HS6ST3: variants seen among roughly 807,000 people sequenced by gnomAD.
The protein encoded by HS6ST3 is heparan-sulfate 6-O-sulfotransferase 3.
Under a neutral mutation model 36.7 loss-of-function variants are expected in HS6ST3, and 12 were observed. The observed-to-expected ratio is 0.33, with a 90% CI of 0.21 to 0.53. HS6ST3 has a LOEUF of 0.53. Among genes scored for constraint, HS6ST3 ranks in the 20% least tolerant of loss-of-function variants. HS6ST3 has a pLI of 0.95. For synonymous variants in HS6ST3, 240 were observed against 257.5 expected (o/e 0.93, Z 0.65); for missense variants, 584 against 640.9 (o/e 0.91, Z 0.96).
At chr13:96,355,106 A>G (rs1256432746) in intron 1 of HS6ST3, among the ~76,000 whole-genome samples, 2 of 152,170 alleles carry the variant, frequency 1.3e-5, no homozygotes, top group African/African-American at 2.4e-5. Flanking sequence ...AAGGATAACT[A>G]TAGTGATGGA....
intron 1 of HS6ST3, among the ~76,000 whole-genome samples, chr13:96,221,005 A>G (rs927046745): frequency 1.3e-5 from 2 of 152,206 alleles, no homozygotes; most frequent in East Asian, 1.9e-4. Flanking sequence ...CTTAAATATT[A>G]TTATACATTT....
chr13:96,500,579 G>A (rs2138912656), intron 1 of HS6ST3, among the ~76,000 whole-genome samples: 1 of 152,224 alleles, frequency 6.6e-6, no homozygotes, highest in South Asian at 2.1e-4. Context: ...GGTGACTGCA[G>A]GATAAACTGC....
chr13:96,254,504 T>C (rs1296542211), intron 1 of HS6ST3, among the ~76,000 whole-genome samples: 844 of 21,368 alleles, frequency 0.039, 57 homozygotes, highest in African/African-American at 0.12. Flanking sequence ...TATATACACA[T>C]ACATACACAC....
intron 1 of HS6ST3, among the ~76,000 whole-genome samples, chr13:96,319,034 G>A (rs1209094824): frequency 6.6e-6 from 1 of 152,070 alleles, no homozygotes; most frequent in Non-Finnish European, 1.5e-5. Context: ...ACAGAGTTGT[G>A]CAACCATCAC....
chr13:96,380,444 T>C (rs746422222), intron 1 of HS6ST3, among the ~76,000 whole-genome samples: 31 of 152,096 alleles, frequency 2.0e-4, no homozygotes, highest in Middle Eastern at 3.4e-3. Context: ...TTTTGTACTT[T>C]TAGTAGAGAT....
intron 1 of HS6ST3, among the ~76,000 whole-genome samples, chr13:96,740,087 T>G (rs114904863): frequency 6.6e-6 from 1 of 152,224 alleles, no homozygotes; most frequent in African/African-American, 2.4e-5. Flanking sequence ...CTCTGTTTGA[T>G]TTTTTCTCCA....
intron 1 of HS6ST3, among the ~76,000 whole-genome samples, chr13:96,703,432 G>A (rs1268834008): frequency 6.6e-6 from 1 of 152,192 alleles, no homozygotes; most frequent in East Asian, 1.9e-4. Context: ...TAAAAATGGA[G>A]AATGAAAATA....
chr13:96,310,669 C>G (rs192340234), intron 1 of HS6ST3, among the ~76,000 whole-genome samples: 8 of 148,562 alleles, frequency 5.4e-5, no homozygotes, highest in African/African-American at 1.0e-4. Flanking sequence ...CCCTCCCTGC[C>G]TATCTCCCTC....
intron 1 of HS6ST3, among the ~76,000 whole-genome samples, chr13:96,637,448 A>G (rs1289183675): frequency 6.6e-6 from 1 of 152,090 alleles, no homozygotes; most frequent in East Asian, 1.9e-4. Context: ...AATCTCTCTT[A>G]TGTTTAGCTT....
intron 1 of HS6ST3, among the ~76,000 whole-genome samples, chr13:96,308,239 A>G (rs185795754): frequency 1.4e-4 from 21 of 152,250 alleles, no homozygotes; most frequent in African/African-American, 4.3e-4. Context: ...AATTCCTTAT[A>G]TACTGCTTCA....
At chr13:96,311,487 AG>A (rs2054940727) in intron 1 of HS6ST3, among the ~76,000 whole-genome samples, 1 of 152,186 alleles carries the variant, frequency 6.6e-6, no homozygotes, top group South Asian at 2.1e-4. Context: ...ATCAAAGCAA[AG>A]GGGCCACCTG....
Position 96,837,423 on chromosome 13 carries a change from C to G in HS6ST3, c.*4225C>G, listed in dbSNP as rs1433995717. The G allele has an allele frequency of 1.3e-5, 2 of 152,140 alleles. No homozygotes were observed. Among genetic ancestry groups the G allele is most frequent in the African/African-American group, 4.8e-5 (2 of 41,434 alleles). The allele number at this position is 152,140 out of a possible 1,614,324, so 9.4% of individuals were successfully genotyped here. On this transcript the variant is annotated 3_prime_UTR_variant, in exon 2 of 2. Transcript: ENST00000376705. ...GAGTCAGATATGTTGAAAGATTTCC[C>G]AACGACTCTAATTTATGAGCAAGAA...
intron 1 of HS6ST3, among the ~76,000 whole-genome samples, chr13:96,691,892 A>G (rs137970282): frequency 6.6e-6 from 1 of 152,142 alleles, no homozygotes; most frequent in Non-Finnish European, 1.5e-5. Flanking sequence ...ACAGTAGAAG[A>G]AAACAGTGAT....
rs149154371 is a variant in HS6ST3 at position 96,384,296 on chromosome 13, A to G, written c.707+292727A>G. ...GTTCTTTTTATTCTTATTTAAAATC[A>G]TATTTATTTTAATTTGAAAATGATA... On this transcript the variant is annotated intron_variant, in intron 1 of 1. Coordinates refer to ENST00000376705, the MANE Select transcript of HS6ST3 (RefSeq NM_153456.4). Among the ~76,000 whole-genome samples, 9 of 151,774 alleles carry G rather than the reference A, an allele frequency of 5.9e-5. 1 individual carries two copies. Among genetic ancestry groups the G allele is most frequent in the African/African-American group, 2.2e-4 (9 of 41,400 alleles).
At chr13:96,782,729 T>C (rs1877555111) in intron 1 of HS6ST3, among the ~76,000 whole-genome samples, 1 of 152,148 alleles carries the variant, frequency 6.6e-6, no homozygotes, top group Non-Finnish European at 1.5e-5. Flanking sequence ...TACATAGTCC[T>C]TTAACTCCAA....
At chr13:96,381,709 T>G (rs1444338233) in intron 1 of HS6ST3, among the ~76,000 whole-genome samples, 2 of 152,194 alleles carry the variant, frequency 1.3e-5, no homozygotes, top group East Asian at 3.8e-4. Context: ...CTGTGGAGTC[T>G]TAAGGCCTGG....
chr13:96,648,063 A>G (rs966320404), intron 1 of HS6ST3, among the ~76,000 whole-genome samples: 1 of 151,962 alleles, frequency 6.6e-6, no homozygotes, highest in African/African-American at 2.4e-5. Flanking sequence ...ATCTTTGCAC[A>G]CTATGTATCC....
intron 1 of HS6ST3, among the ~76,000 whole-genome samples, chr13:96,818,448 A>C (rs1878467368): frequency 6.6e-6 from 1 of 152,198 alleles, no homozygotes; most frequent in Non-Finnish European, 1.5e-5. Context: ...TTATGGACTG[A>C]CACTGGCCTC....
At chr13:96,531,352 C>A (rs2056134757) in intron 1 of HS6ST3, among the ~76,000 whole-genome samples, 1 of 152,112 alleles carries the variant, frequency 6.6e-6, no homozygotes, top group Admixed American at 6.5e-5. Context: ...CCATATTTTA[C>A]AGATGTTCAT....
Sources: allele counts gnomAD v4.1 joint callset (sites outside exome capture counted in the v4.1 genomes callset), GRCh38; gene constraint gnomAD v4.1.1; transcripts MANE v1.5; gene names NCBI Gene and HGNC (gene_info 2026-07-23, HGNC 2026-07-21).